EPB41: variants seen among roughly 807,000 people sequenced by gnomAD.
EPB41 encodes the protein erythrocyte membrane protein band 4.1, also known as protein 4.1.
Under a neutral mutation model 108.0 loss-of-function variants are expected in EPB41, and 65 were observed. That is an observed-to-expected ratio of 0.60 (90% CI 0.49 to 0.74). EPB41 has a LOEUF of 0.74. EPB41 is among the 30% of genes least tolerant of loss of function. The pLI, the probability that EPB41 is intolerant of heterozygous loss-of-function variation, is 0.00. For missense variants in EPB41, 875 were observed against 1,037.0 expected, an observed-to-expected ratio of 0.84 and a Z score of 2.15; for synonymous variants, 336 against 358.9, an observed-to-expected ratio of 0.94 and a Z score of 0.72.
chr1:29,003,184 T>G (rs186548032), intron 4 of EPB41, among the ~76,000 whole-genome samples: 4 of 152,358 alleles, frequency 2.6e-5, no homozygotes, highest in African/African-American at 9.6e-5. Context: ...CACAGATATT[T>G]GTGAAATGAT....
intron 16 of EPB41, among the ~76,000 whole-genome samples, chr1:29,092,093 CTTTT>C (rs35413713): frequency 1.8e-5 from 2 of 113,158 alleles, no homozygotes; most frequent in South Asian, 2.8e-4. Context: ...TTCTTACCTT[CTTTT>C]TTTTTTTTTT....
intron 11 of EPB41, among the ~76,000 whole-genome samples, chr1:29,040,838 A>AG (rs1317963568): frequency 2.0e-5 from 3 of 152,220 alleles, no homozygotes; most frequent in African/African-American, 7.2e-5. Flanking sequence ...AAGAGTGGCT[A>AG]ATAAATAAAA....
At chr1:28,941,132 C>T (rs184099780) in intron 1 of EPB41, among the ~76,000 whole-genome samples, 19 of 151,858 alleles carry the variant, frequency 1.3e-4, no homozygotes, top group Admixed American at 6.6e-4. Context: ...AATCCCAGCA[C>T]TTTGGGAGGC....
chr1:29,085,328 G>T (rs1558271305), intron 16 of EPB41, among the ~76,000 whole-genome samples: 1 of 151,298 alleles, frequency 6.6e-6, no homozygotes, highest in Admixed American at 6.6e-5. Context: ...TATTTTTAGT[G>T]GAGATGGGGT....
chr1:29,080,331 A>G (rs547935607), intron 16 of EPB41, among the ~76,000 whole-genome samples: 49 of 151,220 alleles, frequency 3.2e-4, no homozygotes, highest in South Asian at 3.1e-3. Context: ...TGAACTCTGG[A>G]CCTCAAATGA....
intron 1 of EPB41, among the ~76,000 whole-genome samples, chr1:28,947,082 C>T (rs1401116126): frequency 6.6e-6 from 1 of 152,156 alleles, no homozygotes; most frequent in East Asian, 1.9e-4. Context: ...CAAGGGAAGG[C>T]CAAATTAATG....
chr1:29,112,111 A>G lies in EPB41; in HGVS notation c.2416-257A>G, dbSNP rs184751448. 4.7e-4 allele frequency among the ~76,000 whole-genome samples: 72 copies of G among 152,260 alleles called. 1 individual carries two copies. The highest frequency in any genetic ancestry group is 3.4e-3 in the Middle Eastern group (1 of 294). On this transcript the variant is annotated intron_variant, in intron 18 of 20. Coordinates refer to ENST00000343067, the MANE Select transcript of EPB41 (RefSeq NM_001376013.1). The stretch of plus-strand genomic sequence containing the variant: ...GCTGTCCTTTGCAGTACCCAGCAGT[A>G]GATTAAAATTTGGAGTGGAGCTTTC...
chr1:28,965,746 G>C, intron 1 of EPB41, among the ~76,000 whole-genome samples: 1 of 152,144 alleles, frequency 6.6e-6, no homozygotes. Flanking sequence ...ACTTCACTCT[G>C]ATCTCCTTTC....
At chr1:28,953,138 T>G (rs1440066869) in intron 1 of EPB41, among the ~76,000 whole-genome samples, 1 of 152,164 alleles carries the variant, frequency 6.6e-6, no homozygotes, top group Non-Finnish European at 1.5e-5. Flanking sequence ...TGCAAGTGAT[T>G]GATATGTCTC....
chr1:28,897,651 AGGGG>A (rs1557614066), intron 1 of EPB41, among the ~76,000 whole-genome samples: 24 of 31,782 alleles, frequency 7.6e-4, no homozygotes, highest in African/African-American at 3.5e-3. Context: ...AGGGGAGAGG[AGGGG>A]AGGGGACAGG....
intron 1 of EPB41, among the ~76,000 whole-genome samples, chr1:28,949,005 G>A (rs169447): frequency 0.45 from 67,653 of 151,994 alleles, 17,645 homozygotes; most frequent in East Asian, 0.85. Context: ...TATTAAAGTA[G>A]CACCTATAAA....
chr1:29,066,974 T>G (rs972661555), intron 16 of EPB41, among the ~76,000 whole-genome samples: 10 of 150,972 alleles, frequency 6.6e-5, no homozygotes, highest in South Asian at 4.2e-4. Context: ...CGTGCCCAGC[T>G]AAAACTTTTT....
intron 11 of EPB41, among the ~76,000 whole-genome samples, chr1:29,048,077 C>T (rs926227027): frequency 4.6e-5 from 7 of 152,036 alleles, no homozygotes; most frequent in Admixed American, 6.6e-5. Flanking sequence ...AGTGAGCCAC[C>T]GAGCCTGGCT....
rs1670787696 is a variant in EPB41 at position 29,115,919 on chromosome 1, G to A, written c.*6+116G>A. Reference sequence around the variant, plus strand: ...CCCCACAAAGAGGTGTTCACCCTGGGACTTGATAAAGGCAGACGAGAGGCT... The same window carrying A: ...CCCCACAAAGAGGTGTTCACCCTGGAACTTGATAAAGGCAGACGAGAGGCT... On this transcript the variant is annotated intron_variant, in intron 20 of 20. Transcript: ENST00000343067. This position sits in a 1 kb window ranked among gnomAD's most constrained non-coding sequence, Gnocchi z 4.4. 1.3e-6 allele frequency: 1 copy of A among 799,348 alleles called. No homozygotes were observed. Among genetic ancestry groups the A allele is most frequent in the South Asian group, 1.4e-5 (1 of 69,758 alleles). 49.5% of individuals were successfully genotyped at this position (799,348 alleles called of 1,614,324 possible). A position where few individuals can be genotyped will look rare whatever the true frequency, so the allele number is the denominator to read the frequency against.
Position 29,119,271 on chromosome 1 carries a change from ATTT to A in EPB41, c.*2465_*2467del, listed in dbSNP as rs1210817818. On this transcript the variant is annotated 3_prime_UTR_variant, in exon 21 of 21. Coordinates refer to ENST00000343067, the MANE Select transcript of EPB41 (RefSeq NM_001376013.1). ...TTCTTGGGGTTTGGCAATTGTTTGG[ATTT>A]TTTTTCTTTCTGCAGTTGTGTGTAT... The A allele has an allele frequency of 6.6e-6, 1 of 151,962 alleles. No individual in the cohort carries two copies. Among genetic ancestry groups the A allele is most frequent in the Non-Finnish European group, 1.5e-5 (1 of 67,928 alleles). 9.4% of individuals were successfully genotyped at this position (151,962 alleles called of 1,614,324 possible). A position where few individuals can be genotyped will look rare whatever the true frequency, so the allele number is the denominator to read the frequency against.
At chr1:29,114,169 G>A (rs576123292) in intron 19 of EPB41, among the ~76,000 whole-genome samples, 1 of 152,274 alleles carries the variant, frequency 6.6e-6, no homozygotes, top group South Asian at 2.1e-4. Flanking sequence ...CCATAGGGGA[G>A]CCTGCAAATT....
intron 15 of EPB41, among the ~76,000 whole-genome samples, chr1:29,064,342 G>C (rs898965078): frequency 1.3e-5 from 2 of 152,178 alleles, no homozygotes; most frequent in African/African-American, 4.8e-5. Flanking sequence ...TTCAGAGGTA[G>C]TAACAGTCTG....
chr1:29,027,808 A>G (rs544081774), intron 7 of EPB41, among the ~76,000 whole-genome samples: 1 of 152,170 alleles, frequency 6.6e-6, no homozygotes, highest in Non-Finnish European at 1.5e-5. Context: ...TCAACTAACA[A>G]GTTTTAAAGA....
At chr1:29,070,250 C>G (rs1650692532) in intron 16 of EPB41, 1 of 857,164 alleles carries the variant, frequency 1.2e-6, no homozygotes, top group African/African-American at 1.7e-5. Flanking sequence ...TGAAGAGTGT[C>G]TAAAAGATAC....
Sources: gnomAD v4.1 joint callset for allele counts (sites outside exome capture counted in the v4.1 genomes callset) on GRCh38, gnomAD v4.1.1 for gene constraint, Gnocchi (gnomAD v3.1) non-coding constraint, MANE v1.5 for transcripts, NCBI Gene and HGNC (gene_info 2026-07-23, HGNC 2026-07-21) for gene names.